FCHSD2: variants seen among roughly 807,000 people sequenced by gnomAD.
FCHSD2 encodes FCH and double SH3 domains 2.
A neutral mutation model predicts 108.1 loss-of-function variants in FCHSD2; 38 were observed. The ratio of observed to expected loss-of-function variants is 0.35; its 90% confidence interval spans 0.27 to 0.46. The LOEUF is 0.46. Among genes scored for constraint, FCHSD2 ranks in the 20% least tolerant of loss-of-function variants. The probability of loss-of-function intolerance (pLI) is 1.00; values close to 1 mark genes in which losing one functional copy is unlikely to be tolerated. For missense variants in FCHSD2, 751 were observed against 897.8 expected (o/e 0.84, Z 2.09); for synonymous variants, 279 against 314.7 (o/e 0.89, Z 1.20).
At chr11:73,030,020 T>TAAC (rs558759741) in intron 3 of FCHSD2, among the ~76,000 whole-genome samples, 142 of 152,158 alleles carry the variant, frequency 9.3e-4, no homozygotes, top group African/African-American at 2.6e-3. Flanking sequence ...GGCCAGTTTT[T>TAAC]AACAACAACA....
chr11:73,015,225 T>C (rs1262178285), intron 4 of FCHSD2, among the ~76,000 whole-genome samples: 3 of 152,242 alleles, frequency 2.0e-5, no homozygotes, highest in Admixed American at 1.3e-4. Flanking sequence ...TCCATTCTCA[T>C]CCACCTTCAT....
intron 6 of FCHSD2, among the ~76,000 whole-genome samples, chr11:72,987,693 C>A (rs528038861): frequency 1.9e-3 from 286 of 152,280 alleles, no homozygotes; most frequent in African/African-American, 6.5e-3. Context: ...CAGAAACGCC[C>A]CTCCACTGTG....
At chr11:72,913,840 A>AC (rs35661348) in intron 9 of FCHSD2, among the ~76,000 whole-genome samples, 8 of 151,574 alleles carry the variant, frequency 5.3e-5, no homozygotes, top group East Asian at 1.9e-4. Context: ...AAAAACAAAA[A>AC]AAAAAACCCT....
chr11:73,127,352 T>A (rs949665375), intron 2 of FCHSD2, among the ~76,000 whole-genome samples: 1 of 152,036 alleles, frequency 6.6e-6, no homozygotes, highest in Admixed American at 6.6e-5. Flanking sequence ...CCTAACAAAA[T>A]GAAATTAACA....
At chr11:72,896,608 T>C (rs1459283538) in intron 10 of FCHSD2, among the ~76,000 whole-genome samples, 1 of 151,896 alleles carries the variant, frequency 6.6e-6, no homozygotes, top group Non-Finnish European at 1.5e-5. Flanking sequence ...GTGGAATAAG[T>C]AGAACAAAAG....
intron 2 of FCHSD2, among the ~76,000 whole-genome samples, chr11:73,090,806 TAAACA>T (rs1424202940): frequency 3.9e-5 from 6 of 152,348 alleles, no homozygotes; most frequent in African/African-American, 1.4e-4. Context: ...TGTTTTAAAG[TAAACA>T]ATTCAGTGAC....
chr11:72,911,200 A>T (rs1428475958), intron 9 of FCHSD2, among the ~76,000 whole-genome samples: 3 of 152,224 alleles, frequency 2.0e-5, no homozygotes, highest in Non-Finnish European at 4.4e-5. Flanking sequence ...ATTCTTCTGC[A>T]TATGAATATA....
In FCHSD2 at chr11:72,940,376, C is replaced by A. The variant is rs2075222869; in HGVS notation, c.706-18426G>T. On this transcript the variant is annotated intron_variant, in intron 8 of 19. Transcript: ENST00000409418. ...CATGCTAGTTTCTAAAATGCAGTTACCAAATATTGTTTTAATATTAAAGGA... is the reference window on the plus strand; with the variant it reads ...CATGCTAGTTTCTAAAATGCAGTTAACAAATATTGTTTTAATATTAAAGGA... 1.5e-5 allele frequency: 7 copies of A among 459,328 alleles called. No individual in the cohort carries two copies. In the South Asian group the frequency reaches 2.3e-4, roughly 15 times the overall value. The allele number at this position is 459,328 out of a possible 1,614,324, so 28.5% of individuals were successfully genotyped here.
chr11:73,106,571 G>C (rs1414923292), intron 2 of FCHSD2, among the ~76,000 whole-genome samples: 1 of 152,048 alleles, frequency 6.6e-6, no homozygotes, highest in Non-Finnish European at 1.5e-5. Context: ...CAAAACAGTA[G>C]ATAAGAATTT....
chr11:72,981,517 AT>A (rs1401229639), intron 8 of FCHSD2, among the ~76,000 whole-genome samples: 1 of 152,258 alleles, frequency 6.6e-6, no homozygotes, highest in Non-Finnish European at 1.5e-5. Flanking sequence ...TCATTTAAAA[AT>A]ATTCATAGGG....
intron 8 of FCHSD2, among the ~76,000 whole-genome samples, chr11:72,964,771 G>A (rs1020950432): frequency 1.3e-5 from 2 of 148,428 alleles, no homozygotes; most frequent in Non-Finnish European, 3.0e-5. Flanking sequence ...TTCCAAACAT[G>A]TAAATTTGAT....
At chr11:73,116,049 G>T (rs1017265878) in intron 2 of FCHSD2, among the ~76,000 whole-genome samples, 1 of 152,188 alleles carries the variant, frequency 6.6e-6, no homozygotes, top group African/African-American at 2.4e-5. Context: ...TAAATATGAT[G>T]ACTGCAGATT....
chr11:72,912,517 C>T (rs1265079055), intron 9 of FCHSD2, among the ~76,000 whole-genome samples: 1 of 152,110 alleles, frequency 6.6e-6, no homozygotes, highest in African/African-American at 2.4e-5. Flanking sequence ...TTGTTGAATT[C>T]AGTTTGCTAG....
intron 10 of FCHSD2, among the ~76,000 whole-genome samples, chr11:72,898,387 G>A (rs943963271): frequency 6.6e-6 from 1 of 151,930 alleles, no homozygotes; most frequent in Non-Finnish European, 1.5e-5. Context: ...GTAAGGCAAG[G>A]GCATATGCAA....
intron 2 of FCHSD2, among the ~76,000 whole-genome samples, chr11:73,097,427 T>C (rs1445781935): frequency 6.6e-6 from 1 of 151,514 alleles, no homozygotes; most frequent in Non-Finnish European, 1.5e-5. Flanking sequence ...TAGTAGTCTA[T>C]AGTTTTCTTC....
intron 12 of FCHSD2, among the ~76,000 whole-genome samples, chr11:72,871,158 A>C (rs1286075889): frequency 6.6e-6 from 1 of 152,158 alleles, no homozygotes; most frequent in African/African-American, 2.4e-5. Flanking sequence ...CCGATCAGAA[A>C]GTAACTGCTG....
At chr11:73,137,585 A>G (rs1861148415) in intron 2 of FCHSD2, among the ~76,000 whole-genome samples, 1 of 152,234 alleles carries the variant, frequency 6.6e-6, no homozygotes, top group South Asian at 2.1e-4. Flanking sequence ...ATAGCCCATA[A>G]CTTCAAAGAC....
intron 9 of FCHSD2, among the ~76,000 whole-genome samples, chr11:72,916,505 G>A (rs928151998): frequency 3.9e-5 from 6 of 151,934 alleles, no homozygotes; most frequent in African/African-American, 7.3e-5. Context: ...TGTAGAGATA[G>A]GGTCTTGCTA....
chr11:73,073,223 C>T (rs1189148549), intron 3 of FCHSD2, among the ~76,000 whole-genome samples: 1 of 152,216 alleles, frequency 6.6e-6, no homozygotes, highest in African/African-American at 2.4e-5. Context: ...TTTAATGTTG[C>T]TCAGTTATTC....
Sources: gnomAD v4.1 joint callset for allele counts (sites outside exome capture counted in the v4.1 genomes callset) on GRCh38, gnomAD v4.1.1 for gene constraint, MANE v1.5 for transcripts, NCBI Gene and HGNC (gene_info 2026-07-23, HGNC 2026-07-21) for gene names.